The following CLEC2B variants were observed in gnomAD, a reference collection of about 807,000 sequenced individuals.
The protein encoded by CLEC2B is C-type (calcium dependent, carbohydrate-recognition domain) lectin, superfamily member 2 (activation-induced).
A neutral mutation model predicts 16.2 loss-of-function variants in CLEC2B; 14 were observed. The ratio of observed to expected loss-of-function variants is 0.86; its 90% CI spans 0.57 to 1.35. The LOEUF is 1.35. Among genes scored for constraint, CLEC2B ranks in the 40% most tolerant of loss-of-function variants. The pLI, the probability that CLEC2B is intolerant of heterozygous loss-of-function variation, is 0.00. For synonymous variants in CLEC2B, 42 were observed against 55.8 expected, an observed-to-expected ratio of 0.75 and a Z score of 1.10; for missense variants, 166 against 182.3, an observed-to-expected ratio of 0.91 and a Z score of 0.52.
At chr12:9,865,557 C>T (rs1459521385) in intron 1 of CLEC2B, among the ~76,000 whole-genome samples, 2 of 152,090 alleles carry the variant, frequency 1.3e-5, no homozygotes, top group African/African-American at 4.8e-5. Flanking sequence ...GACTGCAATG[C>T]AATAATATTG....
At chr12:9,864,800 A>C (rs1232062062) in intron 1 of CLEC2B, among the ~76,000 whole-genome samples, 1 of 151,658 alleles carries the variant, frequency 6.6e-6, no homozygotes. Context: ...ATTTAAAAAC[A>C]ACCATAAAAC....
intron 2 of CLEC2B, among the ~76,000 whole-genome samples, chr12:9,861,872 C>T (rs1176684930): frequency 6.6e-6 from 1 of 152,004 alleles, no homozygotes; most frequent in Non-Finnish European, 1.5e-5. Flanking sequence ...ATTTTATTGA[C>T]ACACAGCCAT....
intron 3 of CLEC2B, chr12:9,857,242 C>G: frequency 4.4e-6 from 2 of 452,286 alleles, no homozygotes; most frequent in Non-Finnish European, 7.9e-6. Context: ...TGTGTACACT[C>G]TTTAAAATAT....
At chr12:9,855,946 T>C (rs1382593411) in intron 3 of CLEC2B, among the ~76,000 whole-genome samples, 2 of 152,140 alleles carry the variant, frequency 1.3e-5, no homozygotes, top group African/African-American at 2.4e-5. Context: ...TTTACTTCAT[T>C]CTGTTTGTCA....
intron 4 of CLEC2B, among the ~76,000 whole-genome samples, chr12:9,853,876 T>C (rs1867872399): frequency 2.0e-5 from 3 of 152,206 alleles, no homozygotes; most frequent in Non-Finnish European, 2.9e-5. Context: ...GAAACTAACA[T>C]AAACTAAGTG....
chr12:9,856,305 C>G (rs1867893935), intron 3 of CLEC2B, among the ~76,000 whole-genome samples: 1 of 151,962 alleles, frequency 6.6e-6, no homozygotes, highest in African/African-American at 2.4e-5. Context: ...CCAAGAGGAA[C>G]TGTAAGGAAC....
intron 1 of CLEC2B, among the ~76,000 whole-genome samples, chr12:9,864,826 C>A (rs1867958927): frequency 7.2e-6 from 1 of 139,046 alleles, no homozygotes; most frequent in African/African-American, 2.6e-5. Context: ...ACAAAACAGC[C>A]CCAGAAAATC....
chr12:9,860,174 A>T (rs1867922904), intron 2 of CLEC2B, among the ~76,000 whole-genome samples: 1 of 151,738 alleles, frequency 6.6e-6, no homozygotes, highest in Non-Finnish European at 1.5e-5. Context: ...TACAATGAAT[A>T]AAAAAGGCAT....
intron 3 of CLEC2B, among the ~76,000 whole-genome samples, chr12:9,856,450 C>G (rs1867894724): frequency 6.6e-6 from 1 of 152,058 alleles, no homozygotes; most frequent in African/African-American, 2.4e-5. Context: ...TACTCCTAAT[C>G]CATCTAGCTT....
At chr12:9,859,949 C>T (rs1054502718) in intron 2 of CLEC2B, among the ~76,000 whole-genome samples, 2 of 151,520 alleles carry the variant, frequency 1.3e-5, no homozygotes, top group African/African-American at 2.4e-5. Context: ...AAGAAAGTAT[C>T]TCAATAGATC....
intron 2 of CLEC2B, among the ~76,000 whole-genome samples, chr12:9,858,252 T>A (rs1458986200): frequency 6.6e-6 from 1 of 152,026 alleles, no homozygotes; most frequent in Non-Finnish European, 1.5e-5. Flanking sequence ...CAGCTAGATA[T>A]CTTAGCTTCT....
chr12:9,862,003 T>A (rs1167663267), intron 2 of CLEC2B, among the ~76,000 whole-genome samples: 1 of 151,990 alleles, frequency 6.6e-6, no homozygotes, highest in Non-Finnish European at 1.5e-5. Context: ...ATAAAAAAAA[T>A]TTCAACCTTT....
intron 1 of CLEC2B, chr12:9,867,377 C>T (rs909204733): frequency 1.1e-4 from 17 of 152,114 alleles, no homozygotes; most frequent in Non-Finnish European, 2.1e-4. Flanking sequence ...TATGTAGGTA[C>T]AAATTTAAAC....
At position 9,852,545 on chromosome 12, in the gene CLEC2B, T is replaced by C. The variant is rs909606982; in HGVS notation, c.*755A>G. 7.9e-5 allele frequency among the ~76,000 whole-genome samples: 12 copies of C among 152,158 alleles called. No homozygotes were observed. Among genetic ancestry groups the C allele is most frequent in the African/African-American group, 2.2e-4 (9 of 41,434 alleles). ...CAGGTAGTTTTAGCAACTAGGTTTG[T>C]AGAGAATTATATTTTGAAGCAATGC... On this transcript the variant is annotated 3_prime_UTR_variant, in exon 5 of 5. Coordinates refer to ENST00000228438, the MANE Select transcript of CLEC2B (RefSeq NM_005127.3).
intron 1 of CLEC2B, among the ~76,000 whole-genome samples, chr12:9,868,451 C>T (rs1366859778): frequency 1.3e-5 from 2 of 152,056 alleles, no homozygotes; most frequent in Non-Finnish European, 2.9e-5. Flanking sequence ...GGTAGGTTGA[C>T]ATTTAGTTAA....
intron 3 of CLEC2B, among the ~76,000 whole-genome samples, chr12:9,856,043 T>C (rs1203149064): frequency 2.0e-5 from 3 of 152,074 alleles, no homozygotes; most frequent in Admixed American, 1.3e-4. Flanking sequence ...GTATTTTTTC[T>C]TCATCCAAAC....
intron 2 of CLEC2B, among the ~76,000 whole-genome samples, chr12:9,858,343 A>G (rs1484914132): frequency 1.3e-5 from 2 of 152,150 alleles, no homozygotes; most frequent in African/African-American, 4.8e-5. Flanking sequence ...GCACAGCCCC[A>G]GCCTTGAGCT....
Position 9,855,833 on chromosome 12 carries a change from T to G in CLEC2B, c.238-1349A>C, listed in dbSNP as rs1867890908. On this transcript the variant is annotated intron_variant, in intron 3 of 4. Transcript: ENST00000228438. The stretch of plus-strand genomic sequence containing the variant: ...ATAAAAATATTTTGTAAGACAAACT[T>G]TATCTCATATTATTTTGTAATTAAA... Among the ~76,000 whole-genome samples, 3 of 152,132 alleles carry G rather than the reference T, an allele frequency of 2.0e-5. 1 individual carries two copies. In the South Asian group the frequency reaches 6.2e-4, roughly 31 times the overall value.
intron 3 of CLEC2B, 140 bp from the exon 4 acceptor site, chr12:9,854,624 T>G (rs1867880097): frequency 1.8e-6 from 1 of 542,012 alleles, no homozygotes; most frequent in Non-Finnish European, 3.3e-6. Context: ...GCTATGGAGT[T>G]TTGAAAAAGT....
Sources: allele counts gnomAD v4.1 joint callset (sites outside exome capture counted in the v4.1 genomes callset), GRCh38; gene constraint gnomAD v4.1.1; transcripts MANE v1.5; gene names NCBI Gene and HGNC (gene_info 2026-07-23, HGNC 2026-07-21).